DCDC2: variants seen among roughly 807,000 people sequenced by gnomAD.
DCDC2 encodes doublecortin domain containing 2, also known as doublecortin domain-containing protein 2.
DCDC2 carries 40 observed loss-of-function variants against 50.2 expected under a neutral mutation model. The observed-to-expected ratio is 0.80, with a 90% CI of 0.62 to 1.04. The LOEUF is 1.04. Ranked by LOEUF, DCDC2 falls within the 50% of genes least tolerant of loss-of-function variation. DCDC2 has a pLI of 0.00. For synonymous variants in DCDC2, 234 were observed against 210.6 expected (o/e 1.11, Z -0.96); for missense variants, 570 against 581.9 (o/e 0.98, Z 0.21).
intron 7 of DCDC2, among the ~76,000 whole-genome samples, chr6:24,233,952 T>A (rs1264602061): frequency 6.6e-6 from 1 of 152,194 alleles, no homozygotes; most frequent in Non-Finnish European, 1.5e-5. Flanking sequence ...CCAGCTTAAA[T>A]GCAAATTATA....
At chr6:24,197,782 G>GA (rs568573427) in intron 8 of DCDC2, among the ~76,000 whole-genome samples, 1 of 151,984 alleles carries the variant, frequency 6.6e-6, no homozygotes, top group Admixed American at 6.6e-5. Flanking sequence ...TCTGCTTTTA[G>GA]AAAAAAAATA....
intron 2 of DCDC2, among the ~76,000 whole-genome samples, chr6:24,349,903 G>A (rs1255080410): frequency 6.6e-6 from 1 of 152,094 alleles, no homozygotes; most frequent in African/African-American, 2.4e-5. Flanking sequence ...GAGCCCATAT[G>A]GTGCCCTGAC....
intron 8 of DCDC2, among the ~76,000 whole-genome samples, chr6:24,186,009 T>C (rs907359336): frequency 6.6e-6 from 1 of 152,222 alleles, no homozygotes; most frequent in Non-Finnish European, 1.5e-5. Context: ...CTAATCATCC[T>C]CACTCTCAGT....
chr6:24,225,772 TTTTG>T, intron 7 of DCDC2, among the ~76,000 whole-genome samples: 1 of 152,352 alleles, frequency 6.6e-6, no homozygotes, highest in South Asian at 2.1e-4. Flanking sequence ...TGAAATTATT[TTTTG>T]TTTTTTAATT....
intron 2 of DCDC2, among the ~76,000 whole-genome samples, chr6:24,344,984 T>C (rs1760229923): frequency 6.6e-6 from 1 of 152,248 alleles, no homozygotes; most frequent in Non-Finnish European, 1.5e-5. Flanking sequence ...AAGTGTGTTT[T>C]ATTTTCTTTG....
At chr6:24,212,521 A>G (rs912565630) in intron 7 of DCDC2, among the ~76,000 whole-genome samples, 2 of 152,176 alleles carry the variant, frequency 1.3e-5, no homozygotes, top group African/African-American at 2.4e-5. Flanking sequence ...TCCAGAGGAA[A>G]GTGATTCTAT....
At chr6:24,199,359 C>T (rs1263214668) in intron 8 of DCDC2, among the ~76,000 whole-genome samples, 1 of 152,100 alleles carries the variant, frequency 6.6e-6, no homozygotes, top group Non-Finnish European at 1.5e-5. Flanking sequence ...CTGGTGATAC[C>T]CAGGCAAACA....
At chr6:24,190,098 T>C (rs1761284280) in intron 8 of DCDC2, among the ~76,000 whole-genome samples, 1 of 149,188 alleles carries the variant, frequency 6.7e-6, no homozygotes, top group South Asian at 2.1e-4. Context: ...GGTTTAGATA[T>C]GATTTGAAGC....
At chr6:24,297,456 C>A (rs1581638261) in intron 4 of DCDC2, among the ~76,000 whole-genome samples, 2 of 152,130 alleles carry the variant, frequency 1.3e-5, no homozygotes, top group East Asian at 3.9e-4. Flanking sequence ...ACCCGTGAAC[C>A]TAAAATACAA....
At chr6:24,311,825 T>C (rs1759574718) in intron 2 of DCDC2, among the ~76,000 whole-genome samples, 1 of 152,198 alleles carries the variant, frequency 6.6e-6, no homozygotes, top group African/African-American at 2.4e-5. Flanking sequence ...CTGTCTCCCC[T>C]TGACTACTAT....
chr6:24,198,367 G>T (rs1056681952), intron 8 of DCDC2, among the ~76,000 whole-genome samples: 2 of 152,176 alleles, frequency 1.3e-5, no homozygotes, highest in Non-Finnish European at 2.9e-5. Context: ...CTGAAGCAGG[G>T]TGGGGGGCAC....
chr6:24,230,449 C>T (rs944073871), intron 7 of DCDC2, among the ~76,000 whole-genome samples: 1 of 151,956 alleles, frequency 6.6e-6, no homozygotes, highest in African/African-American at 2.4e-5. Context: ...CAAGACCAGC[C>T]TGGGCAACAC....
At chr6:24,314,015 C>T (rs1034275589) in intron 2 of DCDC2, among the ~76,000 whole-genome samples, 2 of 152,062 alleles carry the variant, frequency 1.3e-5, no homozygotes, top group South Asian at 2.1e-4. Flanking sequence ...ACTGAGTTTC[C>T]GGAGGCAGTC....
chr6:24,372,660 G>A, the DCDC2 span, among the ~76,000 whole-genome samples: 1 of 151,886 alleles, frequency 6.6e-6, no homozygotes, highest in African/African-American at 2.4e-5. Flanking sequence ...GCAAACTATC[G>A]CAAGGACAAA....
At chr6:24,321,468 T>G (rs113209737) in intron 2 of DCDC2, among the ~76,000 whole-genome samples, 4 of 152,342 alleles carry the variant, frequency 2.6e-5, no homozygotes, top group African/African-American at 9.6e-5. Flanking sequence ...GTCAGCATCA[T>G]GTACTGCAAG....
upstream of DCDC2, among the ~76,000 whole-genome samples, chr6:24,358,905 T>TTATATAG: frequency 2.8e-5 from 1 of 35,272 alleles, no homozygotes; most frequent in Non-Finnish European, 4.1e-5. Context: ...ATATAATATA[T>TTATATAG]TATATATTAT....
intron 4 of DCDC2, among the ~76,000 whole-genome samples, chr6:24,297,899 T>G (rs1027679134): frequency 6.6e-6 from 1 of 152,204 alleles, no homozygotes; most frequent in Non-Finnish European, 1.5e-5. Flanking sequence ...TAGACTGCAT[T>G]AAAATTTAAG....
At chr6:24,376,239 T>C in the DCDC2 span, among the ~76,000 whole-genome samples, 2 of 152,300 alleles carry the variant, frequency 1.3e-5, no homozygotes, top group African/African-American at 4.8e-5. Context: ...CAATATAAAT[T>C]CTATGACGCA....
intron 8 of DCDC2, among the ~76,000 whole-genome samples, chr6:24,202,042 A>C (rs1310690764): frequency 1.3e-5 from 2 of 152,208 alleles, no homozygotes; most frequent in Admixed American, 6.5e-5. Flanking sequence ...TCACAGCTGA[A>C]TTCTACCAGA....
Sources: gnomAD v4.1 joint callset for allele counts (sites outside exome capture counted in the v4.1 genomes callset) on GRCh38, gnomAD v4.1.1 for gene constraint, MANE v1.5 for transcripts, NCBI Gene and HGNC (gene_info 2026-07-23, HGNC 2026-07-21) for gene names.